Variants in DCAF13 observed in about 807,000 individuals in gnomAD.
DCAF13 encodes the protein DDB1 and CUL4 associated factor 13, also known as DDB1- and CUL4-associated factor 13.
DCAF13 carries 38 observed loss-of-function variants against 59.0 expected under a neutral mutation model. The ratio of observed to expected loss-of-function variants is 0.64; its 90% confidence interval spans 0.50 to 0.84. DCAF13 has a LOEUF of 0.84. DCAF13 is among the 40% of genes least tolerant of loss of function. The pLI, the probability that DCAF13 is intolerant of heterozygous loss-of-function variation, is 0.00. For synonymous variants in DCAF13, 173 were observed against 175.0 expected (o/e 0.99, Z 0.09); for missense variants, 469 against 558.4 (o/e 0.84, Z 1.61).
chr8:103,416,807 A>G (rs1217631506), intron 1 of DCAF13, among the ~76,000 whole-genome samples: 1 of 152,222 alleles, frequency 6.6e-6, no homozygotes, highest in African/African-American at 2.4e-5. Flanking sequence ...CAGTTTCTCC[A>G]TCTATAAAGA....
chr8:103,418,851 TATATATATATATATA>T (rs1286100766), intron 1 of DCAF13, among the ~76,000 whole-genome samples: 6 of 19,752 alleles, frequency 3.0e-4, no homozygotes, highest in African/African-American at 1.1e-3. Context: ...TATATATATA[TATATATATATATATA>T]TTTTTTTTTT....
chr8:103,432,511 T>G (rs1395915565), intron 6 of DCAF13, 148 bp from the exon 7 acceptor site: 3 of 419,608 alleles, frequency 7.1e-6, no homozygotes, highest in Non-Finnish European at 1.3e-5. Flanking sequence ...GCCTGTGTAT[T>G]TAAGAAGCAA....
At chr8:103,416,233 G>C (rs1052679268) in intron 1 of DCAF13, among the ~76,000 whole-genome samples, 2 of 152,168 alleles carry the variant, frequency 1.3e-5, no homozygotes, top group Non-Finnish European at 2.9e-5. Flanking sequence ...GATGAGATGA[G>C]GCGAAAACAG....
rs562059424 is a variant in DCAF13 at position 103,419,746 on chromosome 8, C to G, written c.71-518C>G. 9.2e-5 allele frequency among the ~76,000 whole-genome samples: 14 copies of G among 152,288 alleles called. No homozygotes were observed. In the East Asian group the frequency reaches 2.7e-3, roughly 29 times the overall value. Reference sequence around the variant, plus strand: ...AAAAGGGAGGCCGGGCACGGTGGCTCATGCCTGTAATCCCAGCACTTTGGG... The same window carrying G: ...AAAAGGGAGGCCGGGCACGGTGGCTGATGCCTGTAATCCCAGCACTTTGGG... On this transcript the variant is annotated intron_variant, in intron 1 of 10. Transcript: ENST00000612750.
chr8:103,418,237 C>T (rs1402317056), intron 1 of DCAF13, among the ~76,000 whole-genome samples: 2 of 152,068 alleles, frequency 1.3e-5, no homozygotes, highest in African/African-American at 4.8e-5. Flanking sequence ...CCCAAACTGC[C>T]TGGGAATGCA....
intron 10 of DCAF13, 182 bp downstream of exon 10, chr8:103,441,800 C>T (rs1212012047): frequency 1.8e-5 from 10 of 541,318 alleles, no homozygotes; most frequent in African/African-American, 6.3e-5. Flanking sequence ...TTTTTTGAGA[C>T]GGAGTCTCGC....
chr8:103,440,554 T>G (rs1397952232), intron 9 of DCAF13: 1 of 195,640 alleles, frequency 5.1e-6, no homozygotes, highest in East Asian at 1.2e-4. Flanking sequence ...TTTTTGTGTT[T>G]TCCTTGAGGT....
At chr8:103,424,275 C>T (rs1185692395) in intron 3 of DCAF13, among the ~76,000 whole-genome samples, 2 of 152,166 alleles carry the variant, frequency 1.3e-5, no homozygotes, top group African/African-American at 4.8e-5. Flanking sequence ...GATCCACCCG[C>T]CTCAGCCTCT....
intron 1 of DCAF13, among the ~76,000 whole-genome samples, chr8:103,418,844 A>ATATATATATATTTATATATT (rs1816667757): frequency 6.5e-5 from 1 of 15,396 alleles, no homozygotes; most frequent in Non-Finnish European, 1.2e-4. Flanking sequence ...ATATATATAT[A>ATATATATATATTTATATATT]TATATATATA....
At chr8:103,418,926 C>T (rs560117900) in intron 1 of DCAF13, among the ~76,000 whole-genome samples, 10 of 119,124 alleles carry the variant, frequency 8.4e-5, no homozygotes, top group Non-Finnish European at 1.6e-4. Context: ...CTCTGTCAGC[C>T]AGGCTGGAGT....
At chr8:103,441,781 CTTTTTTTTTTTT>C in intron 10 of DCAF13, 163 bp downstream of exon 10, 1 of 511,092 alleles carries the variant, frequency 2.0e-6, no homozygotes, top group Non-Finnish European at 3.2e-6. Flanking sequence ...TTTCTTTTTT[CTTTTTTTTTTTT>C]TTGAGACGGA....
chr8:103,441,808 C>T lies in DCAF13; in HGVS notation c.1250+190C>T, dbSNP rs189973361. On this transcript the variant is annotated intron_variant, in intron 10 of 10. Transcript: ENST00000612750. Reference sequence around the variant, plus strand: ...TTTTTTTTTTTTTGAGACGGAGTCTCGCTCTGGAGTGCAGTGGCACAATCT... The same window carrying T: ...TTTTTTTTTTTTTGAGACGGAGTCTTGCTCTGGAGTGCAGTGGCACAATCT... The T allele has an allele frequency of 3.0e-4, 156 of 528,484 alleles. 1 individual carries two copies. The highest frequency in any genetic ancestry group is 1.1e-3 in the Admixed American group (25 of 23,134). 32.7% of individuals were successfully genotyped at this position (528,484 alleles called of 1,614,324 possible).
At chr8:103,439,227 G>A (rs767397756) in intron 8 of DCAF13, among the ~76,000 whole-genome samples, 7 of 151,788 alleles carry the variant, frequency 4.6e-5, no homozygotes, top group Admixed American at 4.6e-4. Flanking sequence ...TCCTGACCTC[G>A]TGATCCACCT....
intron 7 of DCAF13, among the ~76,000 whole-genome samples, chr8:103,434,632 A>G (rs2130492496): frequency 6.6e-6 from 1 of 152,114 alleles, no homozygotes; most frequent in South Asian, 2.1e-4. Context: ...CTTTGAAACT[A>G]TGTAGATATC....
chr8:103,424,874 C>T (rs747969827), intron 3 of DCAF13, among the ~76,000 whole-genome samples: 1 of 152,198 alleles, frequency 6.6e-6, no homozygotes, highest in African/African-American at 2.4e-5. Flanking sequence ...AGTATAGTGC[C>T]AGTGGCTCAG....
At chr8:103,417,988 C>T (rs1295422752) in intron 1 of DCAF13, among the ~76,000 whole-genome samples, 2 of 151,844 alleles carry the variant, frequency 1.3e-5, no homozygotes, top group African/African-American at 4.8e-5. Flanking sequence ...ATTAGCCGGG[C>T]ATGGTGGCGG....
At chr8:103,433,093 G>A (rs1816886757) in intron 7 of DCAF13, among the ~76,000 whole-genome samples, 1 of 152,126 alleles carries the variant, frequency 6.6e-6, no homozygotes, top group Admixed American at 6.6e-5. Flanking sequence ...AATAGTTGCA[G>A]CGGAGACCTT....
intron 5 of DCAF13, chr8:103,428,288 G>T (rs911433914): frequency 6.6e-6 from 1 of 152,196 alleles, no homozygotes; most frequent in Non-Finnish European, 1.5e-5. Flanking sequence ...GTCTAGAATA[G>T]GTTGGCAAAC....
At chr8:103,422,765 G>C (rs1171447738) in intron 3 of DCAF13, among the ~76,000 whole-genome samples, 1 of 152,072 alleles carries the variant, frequency 6.6e-6, no homozygotes. Flanking sequence ...TTTATTTACT[G>C]GTGACTTTTT....
Sources: allele counts gnomAD v4.1 joint callset (sites outside exome capture counted in the v4.1 genomes callset), GRCh38; gene constraint gnomAD v4.1.1; transcripts MANE v1.5; gene names NCBI Gene and HGNC (gene_info 2026-07-23, HGNC 2026-07-21).